Variants in TBC1D2B observed in about 807,000 individuals in gnomAD.
The protein encoded by TBC1D2B is TBC1 domain family, member 2B.
TBC1D2B carries 64 observed loss-of-function variants against 100.8 expected under a neutral mutation model. The ratio of observed to expected loss-of-function variants is 0.64; its 90% CI spans 0.52 to 0.78. TBC1D2B has a LOEUF of 0.78. Ranked by LOEUF, TBC1D2B falls within the 30% of genes least tolerant of loss-of-function variation. The pLI is 0.00. For synonymous variants in TBC1D2B, 480 were observed against 479.7 expected (o/e 1.00, Z -0.01); for missense variants, 1,052 against 1,218.4 (o/e 0.86, Z 2.03).
At chr15:78,029,779 G>A (rs565232099) in intron 4 of TBC1D2B, among the ~76,000 whole-genome samples, 3 of 152,182 alleles carry the variant, frequency 2.0e-5, no homozygotes, top group Non-Finnish European at 4.4e-5. Context: ...TTCCAAGTCT[G>A]CTATCTCCCT....
Position 78,050,182 on chromosome 15 carries a change from G to GA in TBC1D2B, c.514+3851dup, listed in dbSNP as rs907699863. Among the ~76,000 whole-genome samples the GA allele has an allele frequency of 2.0e-4, 31 of 152,182 alleles. No homozygotes were observed. The Middle Eastern group carries it at 0.017, about 83-fold the overall frequency. On this transcript the variant is annotated intron_variant, in intron 2 of 12. Coordinates refer to ENST00000300584, the MANE Select transcript of TBC1D2B (RefSeq NM_144572.2). ...GCACTGCTCAGGCTGCCTGAGGACT[G>GA]AAAGTTACAGCTACTCCTCCCACGC...
intron 2 of TBC1D2B, among the ~76,000 whole-genome samples, chr15:78,052,921 C>A (rs75116443): frequency 0.013 from 1,960 of 152,152 alleles, 57 homozygotes; most frequent in African/African-American, 0.045. Flanking sequence ...GGCATGATCT[C>A]AGAACCTGGA....
chr15:78,066,034 T>G (rs1491002501), intron 1 of TBC1D2B: 1 of 471,124 alleles, frequency 2.1e-6, no homozygotes, highest in Non-Finnish European at 4.4e-6. Flanking sequence ...ACCAGCTCTT[T>G]GGTGGTGGTG....
At chr15:78,038,698 C>A (rs369516875) in intron 3 of TBC1D2B, among the ~76,000 whole-genome samples, 55 of 152,202 alleles carry the variant, frequency 3.6e-4, no homozygotes, top group Non-Finnish European at 7.1e-4. Flanking sequence ...TAAATACAAC[C>A]GGAGACATGG....
At position 78,044,937 on chromosome 15, in the gene TBC1D2B, T is replaced by C; in HGVS notation, c.646A>G (p.Asn216Asp). 1 of 1,613,396 alleles carries C rather than the reference T, an allele frequency of 6.2e-7. No homozygotes were observed. ...QPAPGHPNSI[N>D]FYSLKQWGNE... ...CCCCACTGTTTCAAAGAGTAAAAAT[T>C]AATGGAATTTGGATGCCCTGGGGCG... Residue 216 changes from asparagine (N) to aspartate (D), a missense_variant, in exon 3 of 13, where the codon AAT becomes GAT. By Grantham distance (23) the Asn-to-Asp change is conservative. This residue lies in a region of TBC1D2B where 627 missense variants were observed against 646.1 expected (regional missense o/e 0.97). Transcript: ENST00000300584.
intron 10 of TBC1D2B, among the ~76,000 whole-genome samples, chr15:78,007,582 G>A (rs879572433): frequency 9.2e-5 from 14 of 152,314 alleles, no homozygotes; most frequent in East Asian, 7.7e-4. Context: ...GCAGAAATGC[G>A]AATGCAAAGA....
At chr15:78,038,679 C>T (rs2073005916) in intron 3 of TBC1D2B, among the ~76,000 whole-genome samples, 1 of 152,182 alleles carries the variant, frequency 6.6e-6, no homozygotes, top group Non-Finnish European at 1.5e-5. Flanking sequence ...CTTCCTCAGC[C>T]CCCAACTCTA....
In TBC1D2B at chr15:78,016,821, A is replaced by G. The variant is rs1014808895; in HGVS notation, c.1582-82T>C. ...TTAGGTACGCAAATGACCAGTGAAC[A>G]ACAAACCCAAAACTATTAGGAAGTG... On this transcript the variant is annotated intron_variant, in intron 7 of 12. Coordinates refer to ENST00000300584, the MANE Select transcript of TBC1D2B (RefSeq NM_144572.2). 2.2e-5 allele frequency: 26 copies of G among 1,165,084 alleles called. No homozygotes were observed. The African/African-American group carries it at 4.0e-4, about 18-fold the overall frequency. 72.2% of individuals were successfully genotyped at this position (1,165,084 alleles called of 1,614,324 possible). A position where few individuals can be genotyped will look rare whatever the true frequency, so the allele number is the denominator to read the frequency against.
intron 1 of TBC1D2B, among the ~76,000 whole-genome samples, chr15:78,076,958 C>G (rs2141857325): frequency 6.6e-6 from 1 of 152,336 alleles, no homozygotes; most frequent in East Asian, 1.9e-4. Flanking sequence ...AGCCTACGCT[C>G]ACGGATGCCT....
Position 78,016,739 on chromosome 15 carries a change from A to G in TBC1D2B, c.1582T>C (p.Tyr528His). The change falls in exon 8 of 13, where the codon TAT becomes CAT. Residue 528 changes from tyrosine to histidine, a missense_variant and splice_region_variant. Physicochemically the swap from Tyr to His is moderately conservative, Grantham distance 83. Around this residue, in one of 4 missense-constraint regions of TBC1D2B, gnomAD observed 373 missense variants for 464.9 expected, o/e 0.80. Transcript: ENST00000300584. ...ERRERDLMAK[Y>H]SSLEAKLCQI... ...CAGAGCTTGGCTTCCAGGCTAGAATACTGCAGAGAATGTGGTGGTTACCTC... is the reference window on the plus strand; with the variant it reads ...CAGAGCTTGGCTTCCAGGCTAGAATGCTGCAGAGAATGTGGTGGTTACCTC... 6.5e-7 allele frequency: 1 copy of G among 1,531,600 alleles called. No homozygotes were observed. Among genetic ancestry groups the G allele is most frequent in the Non-Finnish European group, 8.8e-7 (1 of 1,141,900 alleles). 94.9% of individuals were successfully genotyped at this position (1,531,600 alleles called of 1,614,324 possible). A position where few individuals can be genotyped will look rare whatever the true frequency, so the allele number is the denominator to read the frequency against.
chr15:78,020,069 G>A (rs2072479042), intron 6 of TBC1D2B, among the ~76,000 whole-genome samples: 2 of 152,052 alleles, frequency 1.3e-5, no homozygotes, highest in South Asian at 4.1e-4. Flanking sequence ...TTTTTGTAGA[G>A]ATGAGATCTC....
At chr15:78,003,570 G>A in intron 10 of TBC1D2B, 80 bp from the exon 11 acceptor site, 1 of 1,099,562 alleles carries the variant, frequency 9.1e-7, no homozygotes, top group Non-Finnish European at 1.3e-6. Flanking sequence ...CGCAACCTGA[G>A]AGCCTGGGGG....
rs149713224 is a variant in TBC1D2B, at chr15:78,049,706, T to C, written c.514+4328A>G. On this transcript the variant is annotated intron_variant, in intron 2 of 12. Coordinates refer to ENST00000300584, the MANE Select transcript of TBC1D2B (RefSeq NM_144572.2). ...TGAGGATGTCTCTGCTGACACCAAA[T>C]TGCAAGCCTGTTCCACATAGACTCC... Among the ~76,000 whole-genome samples the C allele has an allele frequency of 5.3e-5, 8 of 152,174 alleles. No homozygotes were observed. In the East Asian group the frequency reaches 1.5e-3, roughly 29 times the overall value.
chr15:78,060,682 C>T (rs972077667), intron 1 of TBC1D2B, among the ~76,000 whole-genome samples: 15 of 150,806 alleles, frequency 9.9e-5, no homozygotes, highest in African/African-American at 2.9e-4. Flanking sequence ...TTTGGGAGGC[C>T]GAGACAGGCA....
At chr15:78,018,828 TA>T (rs1204163241) in intron 6 of TBC1D2B, among the ~76,000 whole-genome samples, 1 of 152,152 alleles carries the variant, frequency 6.6e-6, no homozygotes, top group Non-Finnish European at 1.5e-5. Flanking sequence ...TTCCTAATAA[TA>T]AAAACAATGA....
intron 3 of TBC1D2B, among the ~76,000 whole-genome samples, chr15:78,042,507 T>C (rs1596322071): frequency 6.6e-6 from 1 of 152,334 alleles, no homozygotes; most frequent in East Asian, 1.9e-4. Flanking sequence ...CTGACACTTT[T>C]AGGAGCACAG....
chr15:78,057,018 G>A (rs2073439245), intron 1 of TBC1D2B, among the ~76,000 whole-genome samples: 1 of 152,156 alleles, frequency 6.6e-6, no homozygotes, highest in African/African-American at 2.4e-5. Flanking sequence ...GGGAGCCACA[G>A]GCTGCTAGAG....
chr15:78,029,495 A>AT (rs1272265618), intron 4 of TBC1D2B, among the ~76,000 whole-genome samples: 1 of 152,236 alleles, frequency 6.6e-6, no homozygotes, highest in Non-Finnish European at 1.5e-5. Context: ...TGTAGTTATA[A>AT]TTTTTTTAAA....
At chr15:78,013,634 A>G (rs190335384) in intron 8 of TBC1D2B, among the ~76,000 whole-genome samples, 1 of 152,360 alleles carries the variant, frequency 6.6e-6, no homozygotes, top group East Asian at 1.9e-4. Flanking sequence ...CAAGATTGAT[A>G]AATTTGGCTA....
Sources: allele counts gnomAD v4.1 joint callset (sites outside exome capture counted in the v4.1 genomes callset), GRCh38; gene constraint gnomAD v4.1.1; regional missense constraint gnomAD v4.1.1; transcripts MANE v1.5; gene names NCBI Gene and HGNC (gene_info 2026-07-23, HGNC 2026-07-21).